Variants in DLX3 observed in about 807,000 individuals in gnomAD.
The protein encoded by DLX3 is distal-less homeobox 3, also known as homeobox protein DLX-3.
DLX3 carries 9 observed loss-of-function variants against 28.0 expected under a neutral mutation model. The ratio of observed to expected loss-of-function variants is 0.32; its 90% confidence interval spans 0.19 to 0.56. The LOEUF is 0.56. Among genes scored for constraint, DLX3 ranks in the 20% least tolerant of loss-of-function variants. DLX3 has a pLI of 0.91. For synonymous variants in DLX3, 154 were observed against 167.9 expected, an observed-to-expected ratio of 0.92 and a Z score of 0.64; for missense variants, 313 against 378.2, an observed-to-expected ratio of 0.83 and a Z score of 1.43.
rs33937843 is a variant in DLX3 at position 49,994,861 on chromosome 17, G to A, written c.138C>T (p.Pro46=). 0.061 allele frequency: 99,122 copies of A among 1,614,156 alleles called. 5,383 individuals are homozygous for A. Among genetic ancestry groups the A allele is most frequent in the East Asian group, 0.2 (8,760 of 44,870 alleles). ...SVTDLGYYSA[P]QHDYYSGQPY... is the part of the protein sequence containing the mutation. ...GCTGGCCCGAGTAGTAATCGTGCTG[G>A]GGAGCGCTGTAGTAGCCCAGGTCAG... is the stretch of plus-strand genomic sequence containing the variant. The change falls in exon 1 of 3, where the codon CCC becomes CCT. Residue 46 remains proline (P), a synonymous_variant. Coordinates refer to ENST00000434704, the MANE Select transcript of DLX3 (RefSeq NM_005220.3).
Position 49,993,536 on chromosome 17 carries a change from T to C in DLX3, c.380A>G (p.Lys127Arg). 1 of 1,613,704 alleles carries C rather than the reference T, an allele frequency of 6.2e-7. No homozygotes were observed. The highest frequency in any genetic ancestry group is 8.5e-7 in the Non-Finnish European group (1 of 1,179,730). Residue 127 changes from lysine (K) to arginine (R), a missense_variant, in exon 2 of 3, where the codon AAG becomes AGG. Physicochemically the swap from Lys to Arg is conservative, Grantham distance 26. Coordinates refer to ENST00000434704, the MANE Select transcript of DLX3 (RefSeq NM_005220.3). ...AEVRMVNGKPKKVRKPRTIYS... is the reference protein window; with the variant it reads ...AEVRMVNGKPRKVRKPRTIYS... The stretch of plus-strand genomic sequence containing the variant: ...GATCGTACGCGGCTTTCGGACCTTC[T>C]TGGGCTTCCCATTCACCATGCGCAC...
At chr17:49,993,632 T>G (rs773499879) in intron 1 of DLX3, 42 bp from the exon 2 acceptor site, 3 of 1,601,554 alleles carry the variant, frequency 1.9e-6, no homozygotes, top group Non-Finnish European at 2.6e-6. Context: ...CGGTTCAGCC[T>G]CGGCCTGCGA....
In DLX3 at chr17:49,995,071, G is replaced by T; in HGVS notation, c.-73C>A. 6.5e-7 allele frequency: 1 copy of T among 1,545,560 alleles called. No homozygotes were observed. Among genetic ancestry groups the T allele is most frequent in the Non-Finnish European group, 8.7e-7 (1 of 1,144,896 alleles). The stretch of plus-strand genomic sequence containing the variant: ...GAACGGACCGGAGTGCGAGAGAGGC[G>T]GAAGAGACGAGGCAGGGGTGTGTGT... On this transcript the variant is annotated 5_prime_UTR_variant, in exon 1 of 3. Transcript: ENST00000434704.
intron 1 of DLX3, among the ~76,000 whole-genome samples, chr17:49,994,443 C>G (rs886118858): frequency 1.6e-4 from 25 of 152,238 alleles, no homozygotes; most frequent in Admixed American, 1.6e-3. Context: ...CAGCTCATCC[C>G]GATCCTCATC....
At position 49,991,374 on chromosome 17, in the gene DLX3, T is replaced by G; in HGVS notation, c.*143A>C. On this transcript the variant is annotated 3_prime_UTR_variant, in exon 3 of 3. Transcript: ENST00000434704. ...CATGCAATTGTCATCTGGAAGCGCT[T>G]GGGTCCCTGGAGGAAGGGGCAAGGG... is the stretch of plus-strand genomic sequence containing the variant. The G allele has an allele frequency of 1.3e-6, 1 of 742,660 alleles. No homozygotes were observed. Among genetic ancestry groups the G allele is most frequent in the Non-Finnish European group, 2.1e-6 (1 of 465,944 alleles). The allele number at this position is 742,660 out of a possible 1,614,324, so 46.0% of individuals were successfully genotyped here.
At chr17:49,993,343 C>CGCGGGGAACT in intron 2 of DLX3, 57 bp downstream of exon 2, 2 of 1,518,372 alleles carry the variant, frequency 1.3e-6, no homozygotes, top group Non-Finnish European at 1.8e-6. Context: ...CTCGGCAGCG[C>CGCGGGGAACT]GCGGGGAACT....
Position 49,995,027 on chromosome 17 carries a change from T to C in DLX3, c.-29A>G. ...GGCGGGCGCTGCACCTCCCCAGGGC[T>C]GGCCTCCGCAGAGGACAGGAACGGA... On this transcript the variant is annotated 5_prime_UTR_variant, in exon 1 of 3. Transcript: ENST00000434704. 1 of 1,605,632 alleles carries C rather than the reference T, an allele frequency of 6.2e-7. No homozygotes were observed. Among genetic ancestry groups the C allele is most frequent in the Non-Finnish European group, 8.5e-7 (1 of 1,179,074 alleles).
At position 49,991,389 on chromosome 17, in the gene DLX3, AGGGGCAAGGGAG is replaced by A. The variant is rs1906080692; in HGVS notation, c.*116_*127del. The A allele has an allele frequency of 3.5e-6, 3 of 845,796 alleles. No homozygotes were observed. The highest frequency in any genetic ancestry group is 5.4e-6 in the Non-Finnish European group (3 of 559,328). The allele number at this position is 845,796 out of a possible 1,614,324, so 52.4% of individuals were successfully genotyped here. A position where few individuals can be genotyped will look rare whatever the true frequency, so the allele number is the denominator to read the frequency against. On this transcript the variant is annotated 3_prime_UTR_variant, in exon 3 of 3. Transcript: ENST00000434704. ...TGGAAGCGCTTGGGTCCCTGGAGGAAGGGGCAAGGGAGGGGGAAAGGGAGTTCCTTTTCCCTG... is the reference window on the plus strand; with the variant it reads ...TGGAAGCGCTTGGGTCCCTGGAGGAAGGGGAAAGGGAGTTCCTTTTCCCTG...
rs1312357527 is a variant in DLX3 at position 49,990,659 on chromosome 17, T to G, written c.*858A>C. The G allele has an allele frequency of 2.6e-5, 4 of 152,538 alleles. No homozygotes were observed. Among genetic ancestry groups the G allele is most frequent in the African/African-American group, 9.7e-5 (4 of 41,412 alleles). The allele number at this position is 152,538 out of a possible 1,614,324, so 9.4% of individuals were successfully genotyped here. On this transcript the variant is annotated 3_prime_UTR_variant, in exon 3 of 3. Transcript: ENST00000434704. ...TACTGGAGGAGTAGAGAAGGTGAGG[T>G]GGGGGCAGGGACAGAACAGAGGCAC...
Position 49,994,919 on chromosome 17 carries a change from T to C in DLX3, c.80A>G (p.Lys27Arg). The C allele has an allele frequency of 6.2e-7, 1 of 1,614,120 alleles. No individual in the cohort carries two copies. Among genetic ancestry groups the C allele is most frequent in the South Asian group, 1.1e-5 (1 of 91,082 alleles). ...AGACTCGGGCAGGGTAGGCGAGTCC[T>C]TGGAGCCCGCATGGCAGCTAAGGGA... ...SSSLSCHAGS[K>R]DSPTLPESSV... Residue 27 changes from lysine to arginine, a missense_variant, in exon 1 of 3, where the codon AAG (lysine) becomes AGG (arginine). Around this residue, in one of 3 missense-constraint regions of DLX3, gnomAD observed 183 missense variants for 197.7 expected, o/e 0.93. Coordinates refer to ENST00000434704, the MANE Select transcript of DLX3 (RefSeq NM_005220.3).
chr17:49,994,581 G>T, intron 1 of DLX3, 93 bp downstream of exon 1: 1 of 1,434,420 alleles, frequency 7.0e-7, no homozygotes, highest in Non-Finnish European at 9.6e-7. Flanking sequence ...TTTCTTAGAA[G>T]TTTTCCTAGA....
chr17:49,995,018 C>A lies in DLX3; in HGVS notation c.-20G>T. ...ACTCATCCTGGCGGGCGCTGCACCT[C>A]CCCAGGGCTGGCCTCCGCAGAGGAC... On this transcript the variant is annotated 5_prime_UTR_variant, in exon 1 of 3. Transcript: ENST00000434704. 6.2e-7 allele frequency: 1 copy of A among 1,607,764 alleles called. No homozygotes were observed. The highest frequency in any genetic ancestry group is 8.5e-7 in the Non-Finnish European group (1 of 1,179,550).
In DLX3 at chr17:49,995,190, G is replaced by A; in HGVS notation, c.-192C>T. ...GCCTGCCGTCAGGCGGTCGCTGCGC[G>A]CCTCTCCTCGCGTCCCAAGCCACAA... On this transcript the variant is annotated 5_prime_UTR_variant, in exon 1 of 3. Coordinates refer to ENST00000434704, the MANE Select transcript of DLX3 (RefSeq NM_005220.3). 2.9e-6 allele frequency: 2 copies of A among 690,662 alleles called. No homozygotes were observed. Among genetic ancestry groups the A allele is most frequent in the Non-Finnish European group, 5.0e-6 (2 of 403,930 alleles). The allele number at this position is 690,662 out of a possible 1,614,324, so 42.8% of individuals were successfully genotyped here. A position where few individuals can be genotyped will look rare whatever the true frequency, so the allele number is the denominator to read the frequency against.
intron 1 of DLX3, among the ~76,000 whole-genome samples, chr17:49,994,174 T>C (rs778190190): frequency 1.0e-4 from 15 of 149,938 alleles, no homozygotes; most frequent in Non-Finnish European, 2.1e-4. Flanking sequence ...TGCCTTCACT[T>C]TTCCCTTTTT....
At chr17:49,993,617 G>A (rs1906177108) in intron 1 of DLX3, 27 bp from the exon 2 acceptor site, 2 of 1,610,250 alleles carry the variant, frequency 1.2e-6, no homozygotes, top group South Asian at 1.1e-5. Context: ...GGGCGGAAGA[G>A]GGGGCGGTTC....
chr17:49,991,332 A>AG lies in DLX3; in HGVS notation c.*184dup. On this transcript the variant is annotated 3_prime_UTR_variant, in exon 3 of 3. Transcript: ENST00000434704. The stretch of plus-strand genomic sequence containing the variant: ...TGTCTAGGCAGAGGGAGGGAGGTTC[A>AG]GGGGGCATCCTTGGTCCATGCAATT... 1.7e-6 allele frequency: 1 copy of AG among 604,002 alleles called. No individual in the cohort carries two copies. Among genetic ancestry groups the AG allele is most frequent in the East Asian group, 2.8e-5 (1 of 35,428 alleles). The allele number at this position is 604,002 out of a possible 1,614,324, so 37.4% of individuals were successfully genotyped here. A position where few individuals can be genotyped will look rare whatever the true frequency, so the allele number is the denominator to read the frequency against.
rs1906046305 is a variant in DLX3, at chr17:49,990,445, C to G, written c.*1072G>C. The G allele has an allele frequency of 6.6e-6, 1 of 152,074 alleles. No homozygotes were observed. The highest frequency in any genetic ancestry group is 6.6e-5 in the Admixed American group (1 of 15,242). 9.4% of individuals were successfully genotyped at this position (152,074 alleles called of 1,614,324 possible). A position where few individuals can be genotyped will look rare whatever the true frequency, so the allele number is the denominator to read the frequency against. The stretch of plus-strand genomic sequence containing the variant: ...AGGGAGGGGCAGTGCCACCAGCCCT[C>G]CAGGCAGTTACCCCTTACTCCCAAA... On this transcript the variant is annotated 3_prime_UTR_variant, in exon 3 of 3. Coordinates refer to ENST00000434704, the MANE Select transcript of DLX3 (RefSeq NM_005220.3).
rs76783017 is a variant in DLX3, at chr17:49,994,536, C to T, written c.325+138G>A. 1,745 of 1,047,728 alleles carry T rather than the reference C, an allele frequency of 1.7e-3. 22 individuals are homozygous for T. The African/African-American group carries it at 0.025, about 15-fold the overall frequency. The allele number at this position is 1,047,728 out of a possible 1,614,324, so 64.9% of individuals were successfully genotyped here. A position where few individuals can be genotyped will look rare whatever the true frequency, so the allele number is the denominator to read the frequency against. On this transcript the variant is annotated intron_variant, in intron 1 of 2. Coordinates refer to ENST00000434704, the MANE Select transcript of DLX3 (RefSeq NM_005220.3). ...AAGGTCGCCTGGTCCCTCTGAGGGT[C>T]ATCTAGGCCAACTTCTCTAACTCCA...
chr17:49,995,103 G>A lies in DLX3; in HGVS notation c.-105C>T. 1 of 1,399,132 alleles carries A rather than the reference G, an allele frequency of 7.1e-7. No individual in the cohort carries two copies. The highest frequency in any genetic ancestry group is 9.8e-7 in the Non-Finnish European group (1 of 1,023,244). The allele number at this position is 1,399,132 out of a possible 1,614,324, so 86.7% of individuals were successfully genotyped here. A position where few individuals can be genotyped will look rare whatever the true frequency, so the allele number is the denominator to read the frequency against. The stretch of plus-strand genomic sequence containing the variant: ...ACGAGGCAGGGGTGTGTGTCCAGAA[G>A]GCGAAGGGAGGACCCGGCCGCGTCT... On this transcript the variant is annotated 5_prime_UTR_variant, in exon 1 of 3. Transcript: ENST00000434704.
Sources: allele counts gnomAD v4.1 joint callset (sites outside exome capture counted in the v4.1 genomes callset), GRCh38; gene constraint gnomAD v4.1.1; regional missense constraint gnomAD v4.1.1; transcripts MANE v1.5; gene names NCBI Gene and HGNC (gene_info 2026-07-23, HGNC 2026-07-21).